DLG2: variants seen among roughly 807,000 people sequenced by gnomAD.
DLG2 encodes the protein discs large MAGUK scaffold protein 2.
Under a neutral mutation model 132.5 loss-of-function variants are expected in DLG2, and 45 were observed. The observed-to-expected ratio is 0.34, with a 90% CI of 0.27 to 0.44. DLG2 has a LOEUF of 0.44. Among genes scored for constraint, DLG2 ranks in the 20% least tolerant of loss-of-function variants. The pLI is 1.00. For missense variants in DLG2, 1,045 were observed against 1,196.9 expected, an observed-to-expected ratio of 0.87 and a Z score of 1.87; for synonymous variants, 424 against 419.6, an observed-to-expected ratio of 1.01 and a Z score of -0.13.
chr11:85,513,674 G>C (rs2094120904), intron 3 of DLG2, among the ~76,000 whole-genome samples: 1 of 151,742 alleles, frequency 6.6e-6, no homozygotes, highest in African/African-American at 2.4e-5. Flanking sequence ...TCTCCATTTT[G>C]ATCTACCCCA....
At chr11:84,993,261 G>C (rs755194837) in intron 6 of DLG2, among the ~76,000 whole-genome samples, 3 of 152,148 alleles carry the variant, frequency 2.0e-5, no homozygotes, top group Non-Finnish European at 4.4e-5. Context: ...GGGGCCTGTC[G>C]GAGGGTGGGG....
At chr11:83,520,856 A>G (rs1489892944) in intron 21 of DLG2, among the ~76,000 whole-genome samples, 1 of 152,192 alleles carries the variant, frequency 6.6e-6, no homozygotes, top group African/African-American at 2.4e-5. Flanking sequence ...ACCCTCTTAC[A>G]TGTCCCACTT....
At chr11:85,412,151 T>A (rs2089368230) in intron 3 of DLG2, among the ~76,000 whole-genome samples, 1 of 151,872 alleles carries the variant, frequency 6.6e-6, no homozygotes, top group Admixed American at 6.6e-5. Context: ...GAGTTAGGAA[T>A]AAGCATATGG....
chr11:84,022,741 G>T (rs1461533492), intron 11 of DLG2, among the ~76,000 whole-genome samples: 1 of 152,040 alleles, frequency 6.6e-6, no homozygotes, highest in Non-Finnish European at 1.5e-5. Context: ...ACTTTTTTTG[G>T]GGGGAGTAGG....
At chr11:84,317,470 T>A in intron 7 of DLG2, 1 of 707,998 alleles carries the variant, frequency 1.4e-6, no homozygotes, top group Non-Finnish European at 1.8e-6. Context: ...ACAAACCCTT[T>A]TTGGATGGAG....
chr11:84,034,424 T>C (rs1415894577), intron 11 of DLG2, among the ~76,000 whole-genome samples: 1 of 152,212 alleles, frequency 6.6e-6, no homozygotes, highest in African/African-American at 2.4e-5. Flanking sequence ...ATTCACTTTA[T>C]TGCAGTGGTC....
Position 85,340,007 on chromosome 11 carries a change from G to A in DLG2, c.41-54642C>T, listed in dbSNP as rs139296286. 2.7e-3 allele frequency among the ~76,000 whole-genome samples: 405 copies of A among 152,324 alleles called. 8 individuals are homozygous for A. The East Asian group carries it at 0.057, about 22-fold the overall frequency. On this transcript the variant is annotated intron_variant, in intron 3 of 27. Coordinates refer to ENST00000376104, the MANE Select transcript of DLG2 (RefSeq NM_001142699.3). ...GGAAACAACAGATGCTGGACAGGAT[G>A]TTGAGAAATAGGAATGCTTTTACAC... is the stretch of plus-strand genomic sequence containing the variant.
At chr11:84,955,194 C>T (rs1008980913) in intron 6 of DLG2, 18 of 152,194 alleles carry the variant, frequency 1.2e-4, no homozygotes, top group African/African-American at 4.1e-4. Flanking sequence ...GTATTTTACC[C>T]AAAGCCTGGT....
At chr11:84,584,749 C>T (rs962812062) in intron 6 of DLG2, among the ~76,000 whole-genome samples, 9 of 115,712 alleles carry the variant, frequency 7.8e-5, no homozygotes, top group Non-Finnish European at 1.3e-4. Flanking sequence ...AGTGCAGTGG[C>T]GGGATCTGGG....
At chr11:84,616,084 TCA>T (rs1353781853) in intron 6 of DLG2, among the ~76,000 whole-genome samples, 1 of 152,022 alleles carries the variant, frequency 6.6e-6, no homozygotes, top group Non-Finnish European at 1.5e-5. Context: ...TTGATCTATT[TCA>T]GACTGGAATG....
chr11:83,536,178 TATGA>T (rs1452843876), intron 20 of DLG2, among the ~76,000 whole-genome samples: 2 of 152,204 alleles, frequency 1.3e-5, no homozygotes, highest in Admixed American at 6.5e-5. Context: ...TCCTGAATGC[TATGA>T]ATATTATTAA....
intron 18 of DLG2, among the ~76,000 whole-genome samples, chr11:83,637,472 T>C (rs56949780): frequency 0.05 from 7,650 of 152,242 alleles, 675 homozygotes; most frequent in African/African-American, 0.18. Context: ...GAGGTAGATA[T>C]ATTATTTTAC....
intron 6 of DLG2, among the ~76,000 whole-genome samples, chr11:84,633,477 G>A (rs149273476): frequency 3.3e-5 from 5 of 151,742 alleles, no homozygotes; most frequent in Admixed American, 6.6e-5. Context: ...GAATCAACTC[G>A]TGCACCACTT....
intron 15 of DLG2, among the ~76,000 whole-genome samples, chr11:83,884,169 C>G (rs2067111391): frequency 6.6e-6 from 1 of 152,228 alleles, no homozygotes; most frequent in Non-Finnish European, 1.5e-5. Flanking sequence ...CACAAGGGGT[C>G]AGGGAGTTTC....
At chr11:84,642,082 G>A (rs79160246) in intron 6 of DLG2, among the ~76,000 whole-genome samples, 93 of 141,162 alleles carry the variant, frequency 6.6e-4, no homozygotes, top group Middle Eastern at 3.6e-3. Context: ...GTGTGTGTGT[G>A]TATATGTAGA....
chr11:85,352,904 T>A (rs887078253), intron 3 of DLG2, among the ~76,000 whole-genome samples: 3 of 152,134 alleles, frequency 2.0e-5, no homozygotes, highest in Admixed American at 6.5e-5. Flanking sequence ...ACCTAGGCAA[T>A]ACCATTCAGG....
intron 19 of DLG2, among the ~76,000 whole-genome samples, chr11:83,612,242 C>G (rs2060220927): frequency 6.6e-6 from 1 of 152,142 alleles, no homozygotes; most frequent in African/African-American, 2.4e-5. Context: ...TTTGGCTTGA[C>G]TATTGGCTTT....
chr11:83,962,479 A>G (rs2089109208), intron 14 of DLG2, among the ~76,000 whole-genome samples: 1 of 151,984 alleles, frequency 6.6e-6, no homozygotes, highest in South Asian at 2.1e-4. Flanking sequence ...TTACATTTAC[A>G]TTTCTTTATT....
At chr11:85,186,442 T>C (rs1271671239) in intron 4 of DLG2, among the ~76,000 whole-genome samples, 1 of 152,060 alleles carries the variant, frequency 6.6e-6, no homozygotes, top group Non-Finnish European at 1.5e-5. Flanking sequence ...CAGAGCAGCT[T>C]TAACTCATGC....
Sources: allele counts gnomAD v4.1 joint callset (sites outside exome capture counted in the v4.1 genomes callset), GRCh38; gene constraint gnomAD v4.1.1; transcripts MANE v1.5; gene names NCBI Gene and HGNC (gene_info 2026-07-23, HGNC 2026-07-21).